HMGA2: variants seen among roughly 807,000 people sequenced by gnomAD.
The protein encoded by HMGA2 is high mobility group protein HMGI-C.
HMGA2 carries 8 observed loss-of-function variants against 19.1 expected under a neutral mutation model. The ratio of observed to expected loss-of-function variants is 0.42; its 90% CI spans 0.25 to 0.76. The LOEUF (loss-of-function observed/expected upper bound fraction) is 0.76. Among genes scored for constraint, HMGA2 ranks in the 30% least tolerant of loss-of-function variants. HMGA2 has a pLI of 0.28. For missense variants in HMGA2, 109 were observed against 136.3 expected, an observed-to-expected ratio of 0.80 and a Z score of 1.00; for synonymous variants, 60 against 48.8, an observed-to-expected ratio of 1.23 and a Z score of -0.96.
chr12:65,867,833 C>T, intron 3 of HMGA2: 1 of 165,190 alleles, frequency 6.1e-6, no homozygotes, highest in Non-Finnish European at 1.3e-5. Context: ...TTCTTTCTTA[C>T]ACATTCCCAG....
chr12:65,842,758 G>A (rs567403215), intron 3 of HMGA2: 3 of 1,374,842 alleles, frequency 2.2e-6, no homozygotes, highest in South Asian at 2.0e-5. Context: ...AGCCAGTCCT[G>A]CCAATTGAAA....
chr12:65,851,591 T>G (rs1293362976), intron 3 of HMGA2: 2 of 421,070 alleles, frequency 4.7e-6, no homozygotes, highest in Non-Finnish European at 9.6e-6. Context: ...CAGCTTGAAC[T>G]CAGGAGGCGG....
chr12:65,866,454 C>T (rs1353669353), intron 3 of HMGA2, among the ~76,000 whole-genome samples: 1 of 152,062 alleles, frequency 6.6e-6, no homozygotes, highest in Non-Finnish European at 1.5e-5. Flanking sequence ...AGCTGGTAGA[C>T]CTGTGGGCAA....
At chr12:65,897,164 T>G (rs1565725335) in intron 3 of HMGA2, among the ~76,000 whole-genome samples, 2 of 152,220 alleles carry the variant, frequency 1.3e-5, no homozygotes, top group Non-Finnish European at 2.9e-5. Flanking sequence ...GGGCATACAA[T>G]GCTTAATAAT....
rs530514831 is a variant in HMGA2, at chr12:65,949,952, G to A, written c.250-1431G>A. 5.9e-5 allele frequency among the ~76,000 whole-genome samples: 9 copies of A among 152,312 alleles called. No homozygotes were observed. In the East Asian group the frequency reaches 1.5e-3, roughly 26 times the overall value. On this transcript the variant is annotated intron_variant, in intron 3 of 4. Coordinates refer to ENST00000403681, the MANE Select transcript of HMGA2 (RefSeq NM_003483.6). ...ATGGCCAATAAGCACATGAAAAGAT[G>A]CTCAACATCATTAGTTGTGAGAGAA...
chr12:65,950,203 C>CGGG (rs1876410524), intron 3 of HMGA2, among the ~76,000 whole-genome samples: 1 of 152,208 alleles, frequency 6.6e-6, no homozygotes, highest in Non-Finnish European at 1.5e-5. Flanking sequence ...ATTCCACTCC[C>CGGG]AGGTACATAC....
rs548666549 is a variant in HMGA2 at position 65,965,134 on chromosome 12, A to G, written c.*1842A>G. 5.1e-6 allele frequency: 1 copy of G among 196,500 alleles called. No individual in the cohort carries two copies. Among genetic ancestry groups the G allele is most frequent in the South Asian group, 1.9e-4 (1 of 5,204 alleles). The allele number at this position is 196,500 out of a possible 1,614,324, so 12.2% of individuals were successfully genotyped here. ...TTTGCAAAATAAGTAAATAATAAAT[A>G]AAATAAAAGCCAACCTTCAAAGAAA... On this transcript the variant is annotated 3_prime_UTR_variant, in exon 5 of 5. Transcript: ENST00000403681.
At chr12:65,892,919 C>A (rs1380385736) in intron 3 of HMGA2, among the ~76,000 whole-genome samples, 1 of 152,162 alleles carries the variant, frequency 6.6e-6, no homozygotes, top group East Asian at 1.9e-4. Flanking sequence ...TACAAAATGG[C>A]CTTGATTCAC....
intron 3 of HMGA2, among the ~76,000 whole-genome samples, chr12:65,941,570 A>G (rs950535900): frequency 6.6e-6 from 1 of 152,250 alleles, no homozygotes; most frequent in Non-Finnish European, 1.5e-5. Flanking sequence ...GTTAAGTATC[A>G]TAGAGCACTC....
intron 3 of HMGA2, among the ~76,000 whole-genome samples, chr12:65,904,691 T>C (rs1336782311): frequency 6.6e-6 from 1 of 152,206 alleles, no homozygotes; most frequent in Non-Finnish European, 1.5e-5. Context: ...TAATTACTTA[T>C]TTTAAAACTC....
At position 65,824,740 on chromosome 12, in the gene HMGA2, TCTCTCTCTCTC is replaced by T; in HGVS notation, c.-530_-520del. 4.4e-6 allele frequency: 1 copy of T among 229,738 alleles called. No individual in the cohort carries two copies. Among genetic ancestry groups the T allele is most frequent in the Non-Finnish European group, 8.5e-6 (1 of 117,266 alleles). 14.2% of individuals were successfully genotyped at this position (229,738 alleles called of 1,614,324 possible). The stretch of plus-strand genomic sequence containing the variant: ...CTCTCTCTCTCTCTCTCTCTCTCTC[TCTCTCTCTCTC>T]TCTCTCTCTCTCTCTCTCGCAGGGT... On this transcript the variant is annotated 5_prime_UTR_variant, in exon 1 of 5. Transcript: ENST00000403681.
intron 3 of HMGA2, among the ~76,000 whole-genome samples, chr12:65,878,990 T>C (rs150412175): frequency 0.015 from 2,342 of 152,332 alleles, 31 homozygotes; most frequent in Non-Finnish European, 0.025. Context: ...AAAGATATCC[T>C]ATATAATGTT....
chr12:65,883,501 G>C (rs1239013191), intron 3 of HMGA2, among the ~76,000 whole-genome samples: 1 of 152,220 alleles, frequency 6.6e-6, no homozygotes, highest in African/African-American at 2.4e-5. Flanking sequence ...GAGACTTAGA[G>C]AGAAGTTAAA....
intron 3 of HMGA2, chr12:65,842,543 T>A: frequency 7.3e-7 from 1 of 1,372,422 alleles, no homozygotes; most frequent in Non-Finnish European, 1.0e-6. Context: ...GTTTAAGAAC[T>A]GCTTATAAAT....
intron 3 of HMGA2, among the ~76,000 whole-genome samples, chr12:65,945,998 T>C (rs540681157): frequency 6.6e-6 from 1 of 152,254 alleles, no homozygotes; most frequent in Admixed American, 6.5e-5. Flanking sequence ...AAAACAAATA[T>C]CTTTTGCGTA....
intron 3 of HMGA2, among the ~76,000 whole-genome samples, chr12:65,931,191 G>A (rs926518787): frequency 7.9e-5 from 12 of 152,014 alleles, no homozygotes; most frequent in Admixed American, 6.6e-4. Context: ...ATGGTTATTG[G>A]ATTTTTTTTA....
intron 3 of HMGA2, chr12:65,915,400 G>A (rs1321595092): frequency 7.0e-6 from 9 of 1,289,940 alleles, no homozygotes; most frequent in East Asian, 3.4e-5. Flanking sequence ...CCATGCCTGC[G>A]GGGACAGCTT....
At chr12:65,854,450 C>T (rs1871629129) in intron 3 of HMGA2, among the ~76,000 whole-genome samples, 1 of 152,304 alleles carries the variant, frequency 6.6e-6, no homozygotes, top group Middle Eastern at 3.4e-3. Context: ...GACATTCACA[C>T]AATCCATTCA....
chr12:65,866,696 C>A (rs1872432172), intron 3 of HMGA2: 2 of 412,894 alleles, frequency 4.8e-6, no homozygotes, highest in South Asian at 3.6e-5. Context: ...TGTACCTTAG[C>A]CCGCTTCTCA....
Sources: gnomAD v4.1 joint callset for allele counts (sites outside exome capture counted in the v4.1 genomes callset) on GRCh38, gnomAD v4.1.1 for gene constraint, MANE v1.5 for transcripts, NCBI Gene and HGNC (gene_info 2026-07-23, HGNC 2026-07-21) for gene names.